Variants in ENAH observed in about 807,000 individuals in gnomAD.
The protein encoded by ENAH is protein enabled homolog.
Under a neutral mutation model 78.7 loss-of-function variants are expected in ENAH, and 23 were observed. That is an observed-to-expected ratio of 0.29 (90% confidence interval 0.21 to 0.41). The LOEUF (loss-of-function observed/expected upper bound fraction) is 0.41, where lower values mean the gene tolerates loss of function less well. ENAH is among the 10% of genes least tolerant of loss of function. The probability of loss-of-function intolerance (pLI) is 1.00; values close to 1 mark genes in which losing one functional copy is unlikely to be tolerated. For synonymous variants in ENAH, 226 were observed against 241.0 expected, an observed-to-expected ratio of 0.94 and a Z score of 0.58; for missense variants, 544 against 691.0, an observed-to-expected ratio of 0.79 and a Z score of 2.39.
At chr1:225,648,034 GCAAGT>G (rs1288030715) in intron 1 of ENAH, among the ~76,000 whole-genome samples, 1 of 152,064 alleles carries the variant, frequency 6.6e-6, no homozygotes, top group Non-Finnish European at 1.5e-5. Context: ...CATGTTAGGG[GCAAGT>G]CAAGGACTAT....
chr1:225,547,667 C>T (rs960856373), intron 3 of ENAH, among the ~76,000 whole-genome samples: 6 of 152,150 alleles, frequency 3.9e-5, no homozygotes, highest in African/African-American at 1.4e-4. Context: ...AGGTCTCAAA[C>T]GCCCTTCTTG....
At chr1:225,530,413 A>C in intron 4 of ENAH, 141 bp downstream of exon 4, 1 of 615,884 alleles carries the variant, frequency 1.6e-6, no homozygotes, top group Non-Finnish European at 2.9e-6. Context: ...TACTAATGAC[A>C]GTCACAAAAC....
At chr1:225,517,614 A>G in intron 5 of ENAH, 1 of 1,550,560 alleles carries the variant, frequency 6.4e-7, no homozygotes, top group Non-Finnish European at 8.7e-7. Context: ...TTATTGGAGG[A>G]GATGGAGGGA....
intron 1 of ENAH, among the ~76,000 whole-genome samples, chr1:225,616,369 C>T (rs1023717315): frequency 4.7e-5 from 7 of 148,556 alleles, no homozygotes. Flanking sequence ...GAAATAGTCA[C>T]ATTTAAGGCA....
intron 1 of ENAH, among the ~76,000 whole-genome samples, chr1:225,567,960 T>C (rs1236837384): frequency 6.6e-6 from 1 of 152,144 alleles, no homozygotes; most frequent in East Asian, 1.9e-4. Flanking sequence ...CATCTGCCCC[T>C]TGAGACATGG....
intron 2 of ENAH, among the ~76,000 whole-genome samples, chr1:225,563,061 T>C (rs1295324841): frequency 6.6e-6 from 1 of 152,156 alleles, no homozygotes; most frequent in African/African-American, 2.4e-5. Context: ...TCCTTAAGTA[T>C]CATTATATTA....
At chr1:225,542,546 A>G (rs2096594664) in intron 3 of ENAH, among the ~76,000 whole-genome samples, 1 of 152,218 alleles carries the variant, frequency 6.6e-6, no homozygotes, top group Non-Finnish European at 1.5e-5. Context: ...GTATTTCAAG[A>G]AGCTGCTTAC....
At position 225,487,801 on chromosome 1, in the gene ENAH, A is replaced by T. The variant is rs756067421; in HGVS notation, c.*9974T>A. ...AAATTCAGAGCAAAGCAAGATGACAAGAGATTCCAATTCCAGCATATATTA... is the reference window on the plus strand; with the variant it reads ...AAATTCAGAGCAAAGCAAGATGACATGAGATTCCAATTCCAGCATATATTA... On this transcript the variant is annotated 3_prime_UTR_variant, in exon 14 of 14. Coordinates refer to ENST00000366843, the MANE Select transcript of ENAH (RefSeq NM_018212.6). The T allele has an allele frequency of 1.3e-5, 2 of 152,244 alleles. No individual in the cohort carries two copies. Among genetic ancestry groups the T allele is most frequent in the Non-Finnish European group, 2.9e-5 (2 of 68,046 alleles). 9.4% of individuals were successfully genotyped at this position (152,244 alleles called of 1,614,324 possible).
At chr1:225,648,369 C>T (rs1469751688) in intron 1 of ENAH, among the ~76,000 whole-genome samples, 1 of 152,070 alleles carries the variant, frequency 6.6e-6, no homozygotes, top group Non-Finnish European at 1.5e-5. Context: ...TGTTTTAAGC[C>T]TTCTGTAAGA....
At chr1:225,549,039 G>T (rs2096629231) in intron 3 of ENAH, among the ~76,000 whole-genome samples, 1 of 151,874 alleles carries the variant, frequency 6.6e-6, no homozygotes, top group Non-Finnish European at 1.5e-5. Context: ...TAGTAGAGAT[G>T]AGGTTTCACC....
chr1:225,607,084 A>G (rs1166889348), intron 1 of ENAH, among the ~76,000 whole-genome samples: 2 of 152,040 alleles, frequency 1.3e-5, no homozygotes, highest in African/African-American at 4.8e-5. Context: ...TAATTTATAA[A>G]TGCAGAGACT....
At chr1:225,627,578 C>T (rs1245906847) in intron 1 of ENAH, among the ~76,000 whole-genome samples, 2 of 152,206 alleles carry the variant, frequency 1.3e-5, no homozygotes, top group African/African-American at 2.4e-5. Context: ...TAAGACCTCC[C>T]TGTTATCAAC....
In ENAH at chr1:225,574,900, C is replaced by CAAAAAA. The variant is rs1160881680; in HGVS notation, c.6-7492_6-7487dup. ...TGGGCGACAGAGCGAGACTCCGTCT[C>CAAAAAA]AAAAAAAAAAAAAAAAAAAATATAT... On this transcript the variant is annotated intron_variant, in intron 1 of 13. Transcript: ENST00000366843. Among the ~76,000 whole-genome samples, 10 of 1,548 alleles carry CAAAAAA rather than the reference C, an allele frequency of 6.5e-3. 4 individuals are homozygous for CAAAAAA. The highest frequency in any genetic ancestry group is 0.022 in the Admixed American group (2 of 92). 1.0% of individuals were successfully genotyped at this position (1,548 alleles called of 152,430 possible).
Position 225,494,064 on chromosome 1 carries a change from C to CAAAAAAAAAAAAAA in ENAH, c.*3697_*3710dup, listed in dbSNP as rs371486457. 5.5e-5 allele frequency: 4 copies of CAAAAAAAAAAAAAA among 73,152 alleles called. No individual in the cohort carries two copies. The highest frequency in any genetic ancestry group is 9.7e-5 in the Non-Finnish European group (4 of 41,086). 4.5% of individuals were successfully genotyped at this position (73,152 alleles called of 1,614,324 possible). The stretch of plus-strand genomic sequence containing the variant: ...AGCAAGAACATGAGACAGGCTAGAG[C>CAAAAAAAAAAAAAA]AAAAAAAAAAAAAAAAAAACAGCTG... On this transcript the variant is annotated 3_prime_UTR_variant, in exon 14 of 14. Transcript: ENST00000366843.
At chr1:225,532,166 TCTC>T (rs1418101360) in intron 3 of ENAH, among the ~76,000 whole-genome samples, 1 of 152,034 alleles carries the variant, frequency 6.6e-6, no homozygotes, top group African/African-American at 2.4e-5. Context: ...AAAAACAGAC[TCTC>T]CTATTAGGCT....
chr1:225,611,804 G>A (rs1321230643), intron 1 of ENAH, among the ~76,000 whole-genome samples: 2 of 152,006 alleles, frequency 1.3e-5, no homozygotes, highest in Non-Finnish European at 2.9e-5. Flanking sequence ...CGGCCAACAA[G>A]CACATGAAGA....
chr1:225,552,786 TA>T lies in ENAH; in HGVS notation c.349+2119del, dbSNP rs534335168. ...CTAACAAGAAGCCTTTTTCCCACAC[TA>T]AAATGCTTGTGTAGCTTGTAAAATG... On this transcript the variant is annotated intron_variant, in intron 3 of 13. Coordinates refer to ENST00000366843, the MANE Select transcript of ENAH (RefSeq NM_018212.6). 1.1e-3 allele frequency among the ~76,000 whole-genome samples: 163 copies of T among 152,332 alleles called. No individual in the cohort carries two copies. In the Middle Eastern group the frequency reaches 0.031, roughly 29 times the overall value.
intron 1 of ENAH, among the ~76,000 whole-genome samples, chr1:225,609,302 A>G (rs929877615): frequency 3.3e-5 from 5 of 152,214 alleles, no homozygotes; most frequent in African/African-American, 1.2e-4. Context: ...AAATAAACAC[A>G]AAGATTCATT....
chr1:225,527,121 C>G (rs1340141908), intron 4 of ENAH, among the ~76,000 whole-genome samples: 2 of 152,152 alleles, frequency 1.3e-5, no homozygotes, highest in African/African-American at 2.4e-5. Context: ...TTCACCTAAT[C>G]CCTCTTTTCA....
Sources: allele counts gnomAD v4.1 joint callset (sites outside exome capture counted in the v4.1 genomes callset), GRCh38; gene constraint gnomAD v4.1.1; transcripts MANE v1.5; gene names NCBI Gene and HGNC (gene_info 2026-07-23, HGNC 2026-07-21).